The following TM4SF20 variants were observed in gnomAD, a reference collection of about 807,000 sequenced individuals.
TM4SF20 encodes transmembrane 4 L6 family member 20.
Under a neutral mutation model 15.1 loss-of-function variants are expected in TM4SF20, and 13 were observed. The observed-to-expected ratio is 0.86, with a 90% CI of 0.56 to 1.36. TM4SF20 has a LOEUF of 1.36. TM4SF20 is among the 40% of genes most tolerant of loss of function. The pLI, the probability that TM4SF20 is intolerant of heterozygous loss-of-function variation, is 0.00. For synonymous variants in TM4SF20, 92 were observed against 96.6 expected (o/e 0.95, Z 0.28); for missense variants, 282 against 268.4 (o/e 1.05, Z -0.35).
chr2:227,375,268 C>T (rs1485836530), intron 1 of TM4SF20, among the ~76,000 whole-genome samples: 1 of 151,978 alleles, frequency 6.6e-6, no homozygotes, highest in Non-Finnish European at 1.5e-5. Context: ...TGGTGCATGC[C>T]TATAGTCCCA....
At chr2:227,369,287 T>G (rs2076408722) in intron 2 of TM4SF20, among the ~76,000 whole-genome samples, 1 of 152,020 alleles carries the variant, frequency 6.6e-6, no homozygotes, top group South Asian at 2.1e-4. Flanking sequence ...ATCTGGTTTG[T>G]TTTTTTTAAG....
Position 227,372,309 on chromosome 2 carries a change from C to G in TM4SF20, c.184-1329G>C, listed in dbSNP as rs544699162. Among the ~76,000 whole-genome samples, 10 of 152,180 alleles carry G rather than the reference C, an allele frequency of 6.6e-5. No individual in the cohort carries two copies. The East Asian group carries it at 1.9e-3, about 29-fold the overall frequency. Reference sequence around the variant, plus strand: ...TGAGGCATAGAAAGGACAAATTACTCAAATTGTCCTTCTACTTTCTTGGTA... The same window carrying G: ...TGAGGCATAGAAAGGACAAATTACTGAAATTGTCCTTCTACTTTCTTGGTA... On this transcript the variant is annotated intron_variant, in intron 1 of 3. Transcript: ENST00000304568.
chr2:227,377,039 C>T (rs2076454567), intron 1 of TM4SF20, among the ~76,000 whole-genome samples: 1 of 152,214 alleles, frequency 6.6e-6, no homozygotes, highest in Admixed American at 6.5e-5. Context: ...CTCTCCCTGC[C>T]ACACCCGCCA....
At position 227,363,619 on chromosome 2, in the gene TM4SF20, A is replaced by G. The variant is rs1232407884; in HGVS notation, c.*105T>C. The G allele has an allele frequency of 1.7e-6, 2 of 1,190,342 alleles. No homozygotes were observed. The highest frequency in any genetic ancestry group is 1.5e-5 in the South Asian group (1 of 66,620). The allele number at this position is 1,190,342 out of a possible 1,614,324, so 73.7% of individuals were successfully genotyped here. On this transcript the variant is annotated 3_prime_UTR_variant, in exon 4 of 4. Transcript: ENST00000304568. ...GTTATGCATTTACAACGTGCTTTCT[A>G]CGTGAAGGGTTGATTTTTTAAATCA...
chr2:227,378,599 C>G (rs1425091686), intron 1 of TM4SF20, among the ~76,000 whole-genome samples: 1 of 152,164 alleles, frequency 6.6e-6, no homozygotes, highest in Admixed American at 6.5e-5. Context: ...GCCCAACTCC[C>G]TTCAGGTACA....
At chr2:227,366,315 T>C (rs2076392694) in intron 2 of TM4SF20, 71 bp from the exon 3 acceptor site, 2 of 1,364,064 alleles carry the variant, frequency 1.5e-6, no homozygotes, top group Non-Finnish European at 1.0e-6. Context: ...TTCAGGAGCG[T>C]ATACAGTCTT....
In TM4SF20 at chr2:227,373,432, T is replaced by C. The variant is rs374213586; in HGVS notation, c.184-2452A>G. 4.6e-5 allele frequency among the ~76,000 whole-genome samples: 7 copies of C among 152,330 alleles called. No homozygotes were observed. In the East Asian group the frequency reaches 1.3e-3, roughly 29 times the overall value. On this transcript the variant is annotated intron_variant, in intron 1 of 3. Transcript: ENST00000304568. ...AGAAATTTTAGCTCCCAAATAGGTA[T>C]CAGTATTCGTGCACTAAACATCTTT...
chr2:227,368,530 T>C (rs2106490501), intron 2 of TM4SF20, among the ~76,000 whole-genome samples: 2 of 151,646 alleles, frequency 1.3e-5, no homozygotes, highest in Middle Eastern at 6.8e-3. Flanking sequence ...TTTTTATTTT[T>C]ATTTTTTGTA....
At chr2:227,365,023 G>A (rs191732268) in intron 3 of TM4SF20, among the ~76,000 whole-genome samples, 45 of 152,270 alleles carry the variant, frequency 3.0e-4, no homozygotes, top group African/African-American at 1.0e-3. Flanking sequence ...CAATTCTCCC[G>A]CCTCAGCCTC....
rs535041231 is a variant in TM4SF20 at position 227,363,020 on chromosome 2, A to G, written c.*704T>C. ...TGGGCCATTCTGTGCCCGCTGACCC[A>G]CTTTTTGGATTTGTCCTAGTGTTCC... On this transcript the variant is annotated 3_prime_UTR_variant, in exon 4 of 4. Coordinates refer to ENST00000304568, the MANE Select transcript of TM4SF20 (RefSeq NM_024795.4). The G allele has an allele frequency of 6.6e-6, 1 of 152,116 alleles. No homozygotes were observed. Among genetic ancestry groups the G allele is most frequent in the East Asian group, 1.9e-4 (1 of 5,176 alleles). 9.4% of individuals were successfully genotyped at this position (152,116 alleles called of 1,614,324 possible).
At position 227,379,220 on chromosome 2, in the gene TM4SF20, C is replaced by G; in HGVS notation, c.49G>C (p.Val17Leu). 1 of 1,614,200 alleles carries G rather than the reference C, an allele frequency of 6.2e-7. No individual in the cohort carries two copies. The highest frequency in any genetic ancestry group is 8.5e-7 in the Non-Finnish European group (1 of 1,180,030). ...AGAACTACTCCTAACAGCAGTAGAACCAGCAGGCTGAATCCATTGCAGGAT... is the reference window on the plus strand; with the variant it reads ...AGAACTACTCCTAACAGCAGTAGAAGCAGCAGGCTGAATCCATTGCAGGAT... ...WTSCNGFSLL[V>L]LLLLGVVLNA... The change falls in exon 1 of 4, where the codon GTT becomes CTT. Residue 17 changes from valine (V) to leucine (L), a missense_variant. Val to Leu is a conservative substitution (Grantham distance 32, BLOSUM62 1). Transcript: ENST00000304568.
At chr2:227,372,427 C>G (rs1560005924) in intron 1 of TM4SF20, among the ~76,000 whole-genome samples, 1 of 151,932 alleles carries the variant, frequency 6.6e-6, no homozygotes, top group South Asian at 2.1e-4. Context: ...GGGTGGATCA[C>G]GAGGTCAGGA....
chr2:227,371,989 G>A (rs2076423252), intron 1 of TM4SF20, among the ~76,000 whole-genome samples: 5 of 152,152 alleles, frequency 3.3e-5, no homozygotes, highest in Admixed American at 3.3e-4. Context: ...GTATATCTAG[G>A]CAGCAGCTAC....
intron 1 of TM4SF20, among the ~76,000 whole-genome samples, chr2:227,377,973 C>A (rs1423770466): frequency 3.3e-5 from 5 of 151,686 alleles, no homozygotes; most frequent in African/African-American, 1.2e-4. Context: ...TACCTCTGAA[C>A]TGAAAACTTA....
intron 3 of TM4SF20, among the ~76,000 whole-genome samples, chr2:227,365,213 C>T (rs1018373425): frequency 2.0e-5 from 3 of 152,138 alleles, no homozygotes; most frequent in Non-Finnish European, 2.9e-5. Context: ...GCCTGGCCTT[C>T]CTTGGGTTTT....
chr2:227,370,993 T>A lies in TM4SF20; in HGVS notation c.184-13A>T, dbSNP rs770705274. 1.2e-6 allele frequency: 2 copies of A among 1,611,686 alleles called. No homozygotes were observed. Among genetic ancestry groups the A allele is most frequent in the East Asian group, 2.2e-5 (1 of 44,862 alleles). On this transcript the variant is annotated splice_polypyrimidine_tract_variant and intron_variant, in intron 1 of 3. Transcript: ENST00000304568. The stretch of plus-strand genomic sequence containing the variant: ...TTGCTGGAATGGCCTGGAAATGACA[T>A]CAACAGGAAAGATGAGTATTATAAC...
At chr2:227,372,132 T>C (rs760818057) in intron 1 of TM4SF20, among the ~76,000 whole-genome samples, 8 of 152,210 alleles carry the variant, frequency 5.3e-5, no homozygotes, top group Non-Finnish European at 1.2e-4. Context: ...GGTTTTTCTC[T>C]CTCCTTCTAC....
chr2:227,362,451 A>G lies in TM4SF20; in HGVS notation c.*1273T>C, dbSNP rs1434801255. On this transcript the variant is annotated 3_prime_UTR_variant, in exon 4 of 4. Transcript: ENST00000304568. The stretch of plus-strand genomic sequence containing the variant: ...TTTTTAAAAATGAGGACATTTCTGT[A>G]TACAGGTTGAGCATCACTAATCCAA... 1.3e-5 allele frequency: 2 copies of G among 152,208 alleles called. No individual in the cohort carries two copies. Among genetic ancestry groups the G allele is most frequent in the Admixed American group, 6.5e-5 (1 of 15,276 alleles). 9.4% of individuals were successfully genotyped at this position (152,208 alleles called of 1,614,324 possible). A position where few individuals can be genotyped will look rare whatever the true frequency, so the allele number is the denominator to read the frequency against.
At chr2:227,366,416 A>T (rs974146166) in intron 2 of TM4SF20, among the ~76,000 whole-genome samples, 172 bp from the exon 3 acceptor site, 9 of 152,068 alleles carry the variant, frequency 5.9e-5, no homozygotes, top group African/African-American at 1.9e-4. Context: ...AGTCTCTGCT[A>T]TTTGATTACA....
Sources: allele counts gnomAD v4.1 joint callset (sites outside exome capture counted in the v4.1 genomes callset), GRCh38; gene constraint gnomAD v4.1.1; transcripts MANE v1.5; gene names NCBI Gene and HGNC (gene_info 2026-07-23, HGNC 2026-07-21).